The following BAZ1B variants were observed in gnomAD, a reference collection of about 807,000 sequenced individuals.
The protein encoded by BAZ1B is tyrosine-protein kinase BAZ1B.
A neutral mutation model predicts 153.8 loss-of-function variants in BAZ1B; 22 were observed. The observed-to-expected ratio is 0.14, with a 90% CI of 0.10 to 0.20. BAZ1B has a LOEUF of 0.20. Among genes scored for constraint, BAZ1B ranks in the 10% least tolerant of loss-of-function variants. The probability of loss-of-function intolerance (pLI) is 1.00; values close to 1 mark genes in which losing one functional copy is unlikely to be tolerated. For synonymous variants in BAZ1B, 676 were observed against 633.4 expected (o/e 1.07, Z -1.01); for missense variants, 1,325 against 1,799.3 (o/e 0.74, Z 4.77).
At chr7:73,512,010 A>G (rs1299314857) in intron 1 of BAZ1B, among the ~76,000 whole-genome samples, 3 of 142,850 alleles carry the variant, frequency 2.1e-5, no homozygotes, top group Non-Finnish European at 4.5e-5. Flanking sequence ...CCTGGGTGAT[A>G]AGAGCGAAAC....
At chr7:73,480,157 CAAAAA>C (rs112891160) in intron 6 of BAZ1B, among the ~76,000 whole-genome samples, 4 of 93,292 alleles carry the variant, frequency 4.3e-5, no homozygotes, top group East Asian at 6.3e-4. Flanking sequence ...GACTCTGCCT[CAAAAA>C]AAAAAAAAAA....
At chr7:73,511,601 A>G (rs1790582157) in intron 1 of BAZ1B, among the ~76,000 whole-genome samples, 1 of 152,170 alleles carries the variant, frequency 6.6e-6, no homozygotes, top group Non-Finnish European at 1.5e-5. Flanking sequence ...CCAAAGTTTC[A>G]TTACACAAGA....
chr7:73,472,746 T>A (rs7806428), intron 7 of BAZ1B, among the ~76,000 whole-genome samples: 3 of 1,324 alleles, frequency 2.3e-3, no homozygotes, highest in African/African-American at 0.013. Context: ...CCAGCTAATT[T>A]ATTTATTTAT....
chr7:73,487,582 T>C (rs548982050), intron 6 of BAZ1B, among the ~76,000 whole-genome samples: 5 of 152,270 alleles, frequency 3.3e-5, no homozygotes, highest in Admixed American at 2.0e-4. Context: ...GAGGAAAATA[T>C]TAAGGACTCA....
In BAZ1B at chr7:73,442,655, A is replaced by G. The variant is rs1212949260; in HGVS notation, c.4094+70T>C. The stretch of plus-strand genomic sequence containing the variant: ...GCAAGGGCTTGGCTGAGAGCCCCTC[A>G]GGGGCTCTGGAAGCTTTTAGAACCA... On this transcript the variant is annotated intron_variant, in intron 18 of 19. Transcript: ENST00000339594. 5.8e-6 allele frequency: 9 copies of G among 1,561,836 alleles called. No individual in the cohort carries two copies. In the African/African-American group the frequency reaches 1.1e-4, roughly 19 times the overall value.
intron 7 of BAZ1B, 87 bp from the exon 8 acceptor site, chr7:73,470,570 C>G (rs1444738816): frequency 2.1e-5 from 31 of 1,473,910 alleles, no homozygotes; most frequent in Non-Finnish European, 2.8e-5. Context: ...TAAAAAGTGC[C>G]TAGTATACAG....
chr7:73,456,459 C>CA (rs1252784480), intron 13 of BAZ1B, among the ~76,000 whole-genome samples: 2 of 152,034 alleles, frequency 1.3e-5, no homozygotes, highest in Admixed American at 6.6e-5. Flanking sequence ...AACTCAACAA[C>CA]AAAAAATCCA....
At chr7:73,463,257 T>TC (rs1289639767) in intron 11 of BAZ1B, among the ~76,000 whole-genome samples, 158 bp from the exon 12 acceptor site, 73 of 128,836 alleles carry the variant, frequency 5.7e-4, no homozygotes, top group African/African-American at 1.5e-3. Flanking sequence ...TTTTTTTTTT[T>TC]CCCCCGAGAC....
At chr7:73,463,257 T>C (rs868924274) in intron 11 of BAZ1B, among the ~76,000 whole-genome samples, 158 bp from the exon 12 acceptor site, 425 of 128,806 alleles carry the variant, frequency 3.3e-3, no homozygotes, top group South Asian at 7.9e-3. Flanking sequence ...TTTTTTTTTT[T>C]CCCCCGAGAC....
chr7:73,495,238 G>A lies in BAZ1B; in HGVS notation c.572-2317C>T, dbSNP rs1583934497. 2.6e-5 allele frequency among the ~76,000 whole-genome samples: 4 copies of A among 152,258 alleles called. No homozygotes were observed. In the South Asian group the frequency reaches 6.2e-4, roughly 24 times the overall value. ...GCGAAGGTTGCAGTGAGCCAAGATC[G>A]TGCCACTGCGCTCCAGCCTGGGTGA... On this transcript the variant is annotated intron_variant, in intron 4 of 19. Coordinates refer to ENST00000339594, the MANE Select transcript of BAZ1B (RefSeq NM_032408.4).
chr7:73,520,466 T>C (rs1554580024), intron 1 of BAZ1B, among the ~76,000 whole-genome samples: 1 of 151,936 alleles, frequency 6.6e-6, no homozygotes, highest in African/African-American at 2.4e-5. Context: ...GGAAGAGCGG[T>C]GGATTCTACT....
chr7:73,497,991 C>T (rs1201613635), intron 4 of BAZ1B, among the ~76,000 whole-genome samples: 4 of 150,876 alleles, frequency 2.7e-5, no homozygotes, highest in Non-Finnish European at 5.9e-5. Flanking sequence ...TGTGGCCCTG[C>T]TCTTGTGGCA....
chr7:73,476,383 T>C (rs1789000972), intron 7 of BAZ1B, among the ~76,000 whole-genome samples: 1 of 152,218 alleles, frequency 6.6e-6, no homozygotes. Context: ...TTTTAAGTTC[T>C]TAAATCTTAA....
intron 13 of BAZ1B, among the ~76,000 whole-genome samples, chr7:73,458,531 C>T (rs1554569859): frequency 6.6e-6 from 1 of 151,794 alleles, no homozygotes; most frequent in Non-Finnish European, 1.5e-5. Flanking sequence ...CAAAAATCAG[C>T]CAGGCATGGT....
chr7:73,442,135 C>CGGG, intron 19 of BAZ1B, 46 bp downstream of exon 19: 1 of 615,050 alleles, frequency 1.6e-6, no homozygotes, highest in Non-Finnish European at 3.0e-6. Flanking sequence ...CCTCGCTCGC[C>CGGG]TCCCTCCCAC....
At position 73,443,525 on chromosome 7, in the gene BAZ1B, AGTT is replaced by A. The variant is rs1554565590; in HGVS notation, c.3990+456_3990+458del. Among the ~76,000 whole-genome samples, 103 of 124,970 alleles carry A rather than the reference AGTT, an allele frequency of 8.2e-4. 1 individual carries two copies. Among genetic ancestry groups the A allele is most frequent in the Admixed American group, 7.1e-3 (86 of 12,144 alleles). The allele number at this position is 124,970 out of a possible 152,430, so 82.0% of individuals were successfully genotyped here. A position where few individuals can be genotyped will look rare whatever the true frequency, so the allele number is the denominator to read the frequency against. On this transcript the variant is annotated intron_variant, in intron 17 of 19. Coordinates refer to ENST00000339594, the MANE Select transcript of BAZ1B (RefSeq NM_032408.4). ...CTGTCAAAACAAGCACCTTTTCAAG[AGTT>A]TCTTTTTTGTTCTTTAAAGCTCAAG...
At chr7:73,487,242 T>C (rs1789446911) in intron 6 of BAZ1B, among the ~76,000 whole-genome samples, 1 of 152,192 alleles carries the variant, frequency 6.6e-6, no homozygotes, top group South Asian at 2.1e-4. Context: ...TTTAAGTTCC[T>C]GGAGTTCTAG....
At chr7:73,466,149 G>T (rs946545635) in intron 10 of BAZ1B, 147 bp downstream of exon 10, 1 of 582,040 alleles carries the variant, frequency 1.7e-6, no homozygotes, top group African/African-American at 1.9e-5. Flanking sequence ...GTCTGCTAAT[G>T]CAAGAAGTTT....
intron 7 of BAZ1B, among the ~76,000 whole-genome samples, chr7:73,470,693 T>A (rs1788769067): frequency 6.6e-6 from 1 of 152,162 alleles, no homozygotes; most frequent in South Asian, 2.1e-4. Flanking sequence ...TGACATCTCA[T>A]CCCTCAACTC....
Sources: gnomAD v4.1 joint callset for allele counts (sites outside exome capture counted in the v4.1 genomes callset) on GRCh38, gnomAD v4.1.1 for gene constraint, MANE v1.5 for transcripts, NCBI Gene and HGNC (gene_info 2026-07-23, HGNC 2026-07-21) for gene names.